SF1: variants seen among roughly 807,000 people sequenced by gnomAD.
SF1 encodes branch point-binding protein.
A neutral mutation model predicts 62.5 loss-of-function variants in SF1; 7 were observed. The observed-to-expected ratio is 0.11, with a 90% confidence interval of 0.06 to 0.21. SF1 has a LOEUF of 0.21. Ranked by LOEUF, SF1 falls within the 10% of genes least tolerant of loss-of-function variation. The pLI, the probability that SF1 is intolerant of heterozygous loss-of-function variation, is 1.00. For synonymous variants in SF1, 394 were observed against 323.6 expected, an observed-to-expected ratio of 1.22 and a Z score of -2.33; for missense variants, 578 against 884.0, an observed-to-expected ratio of 0.65 and a Z score of 4.39.
In SF1 at chr11:64,773,516, C is replaced by T. The variant is rs1938640185; in HGVS notation, c.161-11G>A. On this transcript the variant is annotated splice_polypyrimidine_tract_variant and intron_variant, in intron 2 of 12. Coordinates refer to ENST00000377390, the MANE Select transcript of SF1 (RefSeq NM_004630.4). ...CTATCTGCAGTTGCACTGGAAGAAA[C>T]CAGGTTAGGAAAGAAAAAAAAGGAT... The T allele has an allele frequency of 2.5e-6, 4 of 1,608,222 alleles. No homozygotes were observed. Among genetic ancestry groups the T allele is most frequent in the Middle Eastern group, 3.3e-4 (2 of 6,046 alleles).
At chr11:64,766,859 CCATCCCACCCA>C in intron 12 of SF1, 30 bp downstream of exon 12, 1 of 604,396 alleles carries the variant, frequency 1.7e-6, no homozygotes, top group Non-Finnish European at 2.9e-6. Context: ...AGCCCCACCC[CCATCCCACCCA>C]CCCCCACAAG....
chr11:64,772,632 G>A, intron 3 of SF1: 4 of 985,106 alleles, frequency 4.1e-6, no homozygotes, highest in Non-Finnish European at 4.8e-6. Context: ...GTGAGAGGGA[G>A]AGACTTACTG....
chr11:64,765,685 GCACACACACACATGCGTGCA>G lies in SF1; in HGVS notation c.*113_*132del. ...AGTCGCTTGGCCCAGCCCAGTGCGT[GCACACACACACATGCGTGCA>G]CACACAATCACATGCGTGCGTCCCA... On this transcript the variant is annotated 3_prime_UTR_variant, in exon 13 of 13. Transcript: ENST00000377390. 6.8e-7 allele frequency: 1 copy of G among 1,467,156 alleles called. No individual in the cohort carries two copies. Among genetic ancestry groups the G allele is most frequent in the Non-Finnish European group, 9.0e-7 (1 of 1,112,628 alleles). 90.9% of individuals were successfully genotyped at this position (1,467,156 alleles called of 1,614,324 possible).
At chr11:64,775,025 G>A (rs1404732928) in intron 2 of SF1, among the ~76,000 whole-genome samples, 1 of 151,770 alleles carries the variant, frequency 6.6e-6, no homozygotes, top group Non-Finnish European at 1.5e-5. Flanking sequence ...GTGGGAGACA[G>A]AAAAGTAGTA....
rs1031955298 is a variant in SF1 at position 64,778,166 on chromosome 11, G to A, written c.31+196C>T. 43 of 905,338 alleles carry A rather than the reference G, an allele frequency of 4.7e-5. No individual in the cohort carries two copies. The highest frequency in any genetic ancestry group is 5.5e-5 in the Non-Finnish European group (40 of 724,736). The allele number at this position is 905,338 out of a possible 1,614,324, so 56.1% of individuals were successfully genotyped here. Reference sequence around the variant, plus strand: ...CGGCGGCTGCTGGGGAGGCGGAGGGGGCGGCGGCGGAGGCGGCGGAGGCAG... The same window carrying A: ...CGGCGGCTGCTGGGGAGGCGGAGGGAGCGGCGGCGGAGGCGGCGGAGGCAG... On this transcript the variant is annotated intron_variant, in intron 1 of 12. Transcript: ENST00000377390.
rs770444474 is a variant in SF1, at chr11:64,773,456, C to A, written c.210G>T (p.Leu70=). 2 of 1,613,718 alleles carry A rather than the reference C, an allele frequency of 1.2e-6. No individual in the cohort carries two copies. The highest frequency in any genetic ancestry group is 1.7e-6 in the Non-Finnish European group (2 of 1,179,894). ...DLTRKLRTGD[L]GIPPNPEDRS... ...TGTCCTCAGGGTTAGGGGGGATGCC[C>A]AGGTCTCCTGTGCGCAGTTTACGAG... is the stretch of plus-strand genomic sequence containing the variant. The change falls in exon 3 of 13, where the codon CTG becomes CTT. Residue 70 remains leucine, a synonymous_variant. Transcript: ENST00000377390.
intron 10 of SF1, 111 bp downstream of exon 10, chr11:64,767,460 G>C: frequency 8.2e-7 from 1 of 1,214,942 alleles, no homozygotes; most frequent in Non-Finnish European, 1.2e-6. Flanking sequence ...AAGCCAGGCA[G>C]ACCCAGCACA....
rs759403750 is a variant in SF1 at position 64,776,688 on chromosome 11, G to A, written c.32-62C>T. 2.4e-5 allele frequency: 36 copies of A among 1,515,146 alleles called. No homozygotes were observed. In the Admixed American group the frequency reaches 2.7e-4, roughly 11 times the overall value. 93.9% of individuals were successfully genotyped at this position (1,515,146 alleles called of 1,614,324 possible). ...CAAGTAGTTATCAACAGACAGCTAA[G>A]GGTATTTAAGGTACTACACAGAAAC... On this transcript the variant is annotated intron_variant, in intron 1 of 12. Transcript: ENST00000377390.
intron 6 of SF1, 39 bp from the exon 7 acceptor site, chr11:64,769,377 T>A: frequency 6.2e-7 from 1 of 1,613,546 alleles, no homozygotes; most frequent in Non-Finnish European, 8.5e-7. Context: ...GCTTAGGGCC[T>A]CCACCTAGGT....
chr11:64,765,996 G>A lies in SF1; in HGVS notation c.1742C>T (p.Ala581Val). The change falls in exon 13 of 13, where the codon GCC becomes GTC. Residue 581 changes from alanine to valine, a missense_variant. Ala to Val is a moderately conservative substitution (Grantham distance 64). This residue lies in a region of SF1 where 410 missense variants were observed against 452.4 expected (regional missense o/e 0.91). Transcript: ENST00000377390. Reference protein sequence around the residue: ...PGVQPPLPPGAPPPPPPPPPG... With the variant: ...PGVQPPLPPGVPPPPPPPPPG... ...CGGTGGAGGCGGCGGAGGGGGAGGG[G>A]CCCCAGGCGGCAGAGGCGGCTGGAC... The A allele has an allele frequency of 1.2e-6, 2 of 1,600,844 alleles. No individual in the cohort carries two copies. Among genetic ancestry groups the A allele is most frequent in the African/African-American group, 1.4e-5 (1 of 73,872 alleles).
chr11:64,772,929 G>C, intron 3 of SF1: 1 of 986,952 alleles, frequency 1.0e-6, no homozygotes, highest in Non-Finnish European at 1.2e-6. Context: ...AAAGAAGTTG[G>C]TTAGAAATCT....
rs918883237 is a variant in SF1, at chr11:64,768,098, A to T, written c.1068+8T>A. ...AGCCAGACCAAGAGAGCCAGCCCCC[A>T]GGCTCACCGGTGGAGGTGGGTTGTT... On this transcript the variant is annotated splice_region_variant and intron_variant, in intron 9 of 12. Coordinates refer to ENST00000377390, the MANE Select transcript of SF1 (RefSeq NM_004630.4). 3 of 1,604,298 alleles carry T rather than the reference A, an allele frequency of 1.9e-6. No homozygotes were observed. Among genetic ancestry groups the T allele is most frequent in the Non-Finnish European group, 2.6e-6 (3 of 1,175,288 alleles).
intron 2 of SF1, 30 bp from the exon 3 acceptor site, chr11:64,773,535 A>G: frequency 2.5e-6 from 4 of 1,593,664 alleles, no homozygotes; most frequent in Non-Finnish European, 3.4e-6. Flanking sequence ...GAAAGAAAAA[A>G]AAGGATGGAA....
In SF1 at chr11:64,769,978, C is replaced by G. The variant is rs766106747; in HGVS notation, c.465G>C (p.Leu155=). The change falls in exon 5 of 13, where the codon CTG becomes CTC. Residue 155 remains leucine, a synonymous_variant. Coordinates refer to ENST00000377390, the MANE Select transcript of SF1 (RefSeq NM_004630.4). ...CAGTTACTCACCTGGGCCCGATGAG[C>G]AGCCCCACAAAGTTGATTTCTGGGT... ...DEYPEINFVG[L]LIGPRGNTLK... 4 of 1,613,054 alleles carry G rather than the reference C, an allele frequency of 2.5e-6. No individual in the cohort carries two copies. Among genetic ancestry groups the G allele is most frequent in the South Asian group, 1.1e-5 (1 of 91,050 alleles).
chr11:64,767,233 G>A lies in SF1; in HGVS notation c.1361C>T (p.Thr454Met), dbSNP rs781711280. 1.3e-5 allele frequency: 21 copies of A among 1,614,086 alleles called. No individual in the cohort carries two copies. The Middle Eastern group carries it at 5.0e-4, about 38-fold the overall frequency. The change falls in exon 11 of 13, where the codon ACG (threonine) becomes ATG (methionine). Residue 454 changes from threonine (T) to methionine (M), a missense_variant. Around this residue, in one of 7 missense-constraint regions of SF1, gnomAD observed 410 missense variants for 452.4 expected, o/e 0.91. Transcript: ENST00000377390. ...GCGATAGACCCCAGAGCCCACAGGC[G>A]TACTTCCCAGGTACTGATCTTGATG... The part of the protein sequence containing the change: ...PPPMDQYLGS[T>M]PVGSGVYRLH...
At chr11:64,766,735 A>G in intron 12 of SF1, 165 bp downstream of exon 12, 1 of 507,634 alleles carries the variant, frequency 2.0e-6, no homozygotes, top group Non-Finnish European at 3.4e-6. Context: ...CTCCTCTTCA[A>G]GATGCCCCTC....
At chr11:64,770,233 G>C (rs757769286) in intron 4 of SF1, 23 bp downstream of exon 4, 2 of 1,608,006 alleles carry the variant, frequency 1.2e-6, no homozygotes, top group East Asian at 2.2e-5. Context: ...CTTCATCCCA[G>C]ATGACCGAGC....
chr11:64,768,080 C>A (rs765779303), intron 9 of SF1, 26 bp downstream of exon 9: 19 of 1,594,800 alleles, frequency 1.2e-5, no homozygotes, highest in Non-Finnish European at 1.6e-5. Context: ...GGAAGCCAGA[C>A]CAAGAGAGCC....
At position 64,765,560 on chromosome 11, in the gene SF1, GGA is replaced by G; in HGVS notation, c.*256_*257del. ...GGGAGAGGCAAAGGGAGTTGGGTGA[GGA>G]GAGAAAGAAGACAAAGAAGACACTC... On this transcript the variant is annotated 3_prime_UTR_variant, in exon 13 of 13. Coordinates refer to ENST00000377390, the MANE Select transcript of SF1 (RefSeq NM_004630.4). The G allele has an allele frequency of 1.3e-6, 2 of 1,572,996 alleles. No individual in the cohort carries two copies. Among genetic ancestry groups the G allele is most frequent in the Non-Finnish European group, 1.7e-6 (2 of 1,163,148 alleles).
Sources: allele counts gnomAD v4.1 joint callset (sites outside exome capture counted in the v4.1 genomes callset), GRCh38; gene constraint gnomAD v4.1.1; regional missense constraint gnomAD v4.1.1; transcripts MANE v1.5; gene names NCBI Gene and HGNC (gene_info 2026-07-23, HGNC 2026-07-21).